The following TOMM70 variants were observed in gnomAD, a reference collection of about 807,000 sequenced individuals.
TOMM70 encodes translocase of outer mitochondrial membrane 70.
A neutral mutation model predicts 73.6 loss-of-function variants in TOMM70; 13 were observed. The ratio of observed to expected loss-of-function variants is 0.18; its 90% CI spans 0.11 to 0.28. The LOEUF is 0.28. Among genes scored for constraint, TOMM70 ranks in the 10% least tolerant of loss-of-function variants. The pLI is 1.00. For missense variants in TOMM70, 609 were observed against 747.5 expected (o/e 0.81, Z 2.16); for synonymous variants, 257 against 271.2 (o/e 0.95, Z 0.51).
intron 1 of TOMM70, among the ~76,000 whole-genome samples, chr3:100,388,711 T>C (rs1337142467): frequency 6.6e-6 from 1 of 152,086 alleles, no homozygotes; most frequent in Non-Finnish European, 1.5e-5. Context: ...GAAAGCAGGA[T>C]ATACCAAGCA....
chr3:100,385,198 T>C (rs1358056505), intron 3 of TOMM70, among the ~76,000 whole-genome samples: 1 of 152,246 alleles, frequency 6.6e-6, no homozygotes, highest in Non-Finnish European at 1.5e-5. Context: ...TGCTGATATA[T>C]TCCCCTGATA....
chr3:100,395,136 G>C (rs185699555), intron 1 of TOMM70, among the ~76,000 whole-genome samples: 2 of 152,114 alleles, frequency 1.3e-5, no homozygotes, highest in African/African-American at 4.8e-5. Flanking sequence ...TTGGGAGGCC[G>C]AGGCAGGCAG....
chr3:100,386,984 A>G lies in TOMM70; in HGVS notation c.325-6T>C. 1 of 1,611,766 alleles carries G rather than the reference A, an allele frequency of 6.2e-7. No homozygotes were observed. The highest frequency in any genetic ancestry group is 8.5e-7 in the Non-Finnish European group (1 of 1,179,302). ...TGGGCTCTATCAAGAGAGTTCTGAA[A>G]TGAGAGGAAACAATTATCAAACACT... On this transcript the variant is annotated splice_polypyrimidine_tract_variant and splice_region_variant and intron_variant, in intron 1 of 11. Coordinates refer to ENST00000284320, the MANE Select transcript of TOMM70 (RefSeq NM_014820.5).
intron 4 of TOMM70, 25 bp from the exon 5 acceptor site, chr3:100,381,788 C>T (rs995759630): frequency 6.4e-7 from 1 of 1,568,512 alleles, no homozygotes; most frequent in Non-Finnish European, 8.7e-7. Context: ...TGTTTAAAGA[C>T]ATCAGGATGG....
intron 3 of TOMM70, among the ~76,000 whole-genome samples, chr3:100,385,958 T>C (rs185462014): frequency 6.6e-6 from 1 of 152,332 alleles, no homozygotes; most frequent in East Asian, 1.9e-4. Context: ...ATTATACTAA[T>C]GCTCATTAGC....
At chr3:100,389,486 T>C (rs547391316) in intron 1 of TOMM70, among the ~76,000 whole-genome samples, 45 of 152,342 alleles carry the variant, frequency 3.0e-4, no homozygotes, top group African/African-American at 1.0e-3. Context: ...TTTCAAATTG[T>C]TTAAAACCAA....
chr3:100,384,728 T>C (rs1225295564), intron 3 of TOMM70, 140 bp from the exon 4 acceptor site: 4 of 527,596 alleles, frequency 7.6e-6, no homozygotes, highest in Non-Finnish European at 1.3e-5. Flanking sequence ...AATTAACTGA[T>C]TCTTAATACC....
chr3:100,383,107 T>C (rs1576214952), intron 4 of TOMM70, among the ~76,000 whole-genome samples: 1 of 152,186 alleles, frequency 6.6e-6, no homozygotes, highest in Non-Finnish European at 1.5e-5. Flanking sequence ...CTCCACACTA[T>C]GTACAAGGAA....
chr3:100,376,369 G>GTTTTTTTTTTTTTTTTTTTTTTTTTTTTT lies in TOMM70; in HGVS notation c.1093-1218_1093-1217insAAAAAAAAAAAAAAAAAAAAAAAAAAAAA, dbSNP rs141227349. Among the ~76,000 whole-genome samples, 47 of 121,762 alleles carry GTTTTTTTTTTTTTTTTTTTTTTTTTTTTT rather than the reference G, an allele frequency of 3.9e-4. 4 individuals are homozygous for GTTTTTTTTTTTTTTTTTTTTTTTTTTTTT. The highest frequency in any genetic ancestry group is 1.5e-3 in the East Asian group (5 of 3,444). The allele number at this position is 121,762 out of a possible 152,430, so 79.9% of individuals were successfully genotyped here. ...CTTGATGGTGTCTTTTCACACAGAA[G>GTTTTTTTTTTTTTTTTTTTTTTTTTTTTT]TTTTTTTTTTTTTTTGAGACAGGAT... On this transcript the variant is annotated intron_variant, in intron 6 of 11. Coordinates refer to ENST00000284320, the MANE Select transcript of TOMM70 (RefSeq NM_014820.5).
At chr3:100,381,304 T>G (rs1706631223) in intron 5 of TOMM70, among the ~76,000 whole-genome samples, 1 of 152,140 alleles carries the variant, frequency 6.6e-6, no homozygotes, top group Non-Finnish European at 1.5e-5. Context: ...AGTTATTGCC[T>G]CTATTCAAAC....
chr3:100,368,421 A>G (rs545621127), intron 10 of TOMM70, among the ~76,000 whole-genome samples: 1 of 152,288 alleles, frequency 6.6e-6, no homozygotes, highest in South Asian at 2.1e-4. Context: ...TTTTCACTTT[A>G]TATAAATTTA....
chr3:100,399,692 A>T (rs1157993735), intron 1 of TOMM70, among the ~76,000 whole-genome samples: 1 of 151,912 alleles, frequency 6.6e-6, no homozygotes, highest in African/African-American at 2.4e-5. Flanking sequence ...GAAAAACTGA[A>T]TTTAAGATGC....
At chr3:100,398,383 CAAA>C (rs397970636) in intron 1 of TOMM70, among the ~76,000 whole-genome samples, 4 of 97,960 alleles carry the variant, frequency 4.1e-5, no homozygotes, top group South Asian at 3.7e-4. Flanking sequence ...GACGCTGTCT[CAAA>C]AAAAAAAAAA....
At chr3:100,380,361 A>T (rs1706619502) in intron 5 of TOMM70, among the ~76,000 whole-genome samples, 1 of 152,102 alleles carries the variant, frequency 6.6e-6, no homozygotes, top group African/African-American at 2.4e-5. Context: ...AAAAGAGAAA[A>T]CGAAAACACA....
intron 11 of TOMM70, among the ~76,000 whole-genome samples, chr3:100,366,541 C>T (rs277642): frequency 0.15 from 23,041 of 152,180 alleles, 3,242 homozygotes; most frequent in East Asian, 0.49. Context: ...TTTAATCCCC[C>T]ATTATAATAT....
chr3:100,381,867 C>T, intron 4 of TOMM70, 104 bp from the exon 5 acceptor site: 1 of 1,209,932 alleles, frequency 8.3e-7, no homozygotes, highest in Non-Finnish European at 1.1e-6. Flanking sequence ...ATTGGATTCT[C>T]ATTTTCAAAT....
chr3:100,366,667 A>T (rs2148888134), intron 11 of TOMM70, among the ~76,000 whole-genome samples: 1 of 152,378 alleles, frequency 6.6e-6, no homozygotes, highest in South Asian at 2.1e-4. Context: ...AATTTCATTT[A>T]TTCAAATTCA....
rs748761190 is a variant in TOMM70, at chr3:100,400,846, C to T, written c.104G>A (p.Gly35Glu). Residue 35 changes from glycine to glutamate, a missense_variant, in exon 1 of 12, where the codon GGG becomes GAG. By Grantham distance (98) the Gly-to-Glu change is moderately conservative. Around this residue, in one of 2 missense-constraint regions of TOMM70, gnomAD observed 177 missense variants for 163.5 expected, o/e 1.08. Transcript: ENST00000284320. ...GGGTAGPGTG[G>E]LPRWQLALAV... ...CAGAGCCAGCTGCCATCGCGGCAGCCCCCCCGTGCCCGGGCCCGCAGTCCC... is the reference window on the plus strand; with the variant it reads ...CAGAGCCAGCTGCCATCGCGGCAGCTCCCCCGTGCCCGGGCCCGCAGTCCC... 9.2e-6 allele frequency: 14 copies of T among 1,523,536 alleles called. No homozygotes were observed. The highest frequency in any genetic ancestry group is 4.8e-5 in the South Asian group (4 of 83,390). The allele number at this position is 1,523,536 out of a possible 1,614,324, so 94.4% of individuals were successfully genotyped here.
At chr3:100,387,081 G>T in intron 1 of TOMM70, 103 bp from the exon 2 acceptor site, 1 of 1,196,572 alleles carries the variant, frequency 8.4e-7, no homozygotes, top group Non-Finnish European at 1.2e-6. Context: ...CAGAATGGCT[G>T]TTTACAATGT....
Sources: gnomAD v4.1 joint callset for allele counts (sites outside exome capture counted in the v4.1 genomes callset) on GRCh38, gnomAD v4.1.1 for gene constraint, gnomAD v4.1.1 regional missense constraint, MANE v1.5 for transcripts, NCBI Gene and HGNC (gene_info 2026-07-23, HGNC 2026-07-21) for gene names.